LUZP2: variants seen among roughly 807,000 people sequenced by gnomAD.
The protein encoded by LUZP2 is leucine zipper protein 2.
A neutral mutation model predicts 51.6 loss-of-function variants in LUZP2; 52 were observed. The observed-to-expected ratio is 1.01, with a 90% CI of 0.81 to 1.27. The LOEUF (loss-of-function observed/expected upper bound fraction) is 1.27, where lower values mean the gene tolerates loss of function less well. Among genes scored for constraint, LUZP2 ranks in the 50% most tolerant of loss-of-function variants. The pLI is 0.00. For synonymous variants in LUZP2, 154 were observed against 137.3 expected (o/e 1.12, Z -0.85); for missense variants, 436 against 395.4 (o/e 1.10, Z -0.87).
At chr11:24,863,609 A>C (rs1158825922) in intron 5 of LUZP2, among the ~76,000 whole-genome samples, 1 of 152,190 alleles carries the variant, frequency 6.6e-6, no homozygotes, top group African/African-American at 2.4e-5. Flanking sequence ...AAGCGGTGAT[A>C]GAACAATTCT....
intron 5 of LUZP2, among the ~76,000 whole-genome samples, chr11:24,808,060 A>C (rs1849905604): frequency 6.6e-6 from 1 of 152,218 alleles, no homozygotes; most frequent in Non-Finnish European, 1.5e-5. Context: ...TCACAATGGA[A>C]ATAAAATGTA....
chr11:24,758,778 G>A (rs1226811641), intron 4 of LUZP2, among the ~76,000 whole-genome samples: 2 of 151,886 alleles, frequency 1.3e-5, no homozygotes, highest in African/African-American at 2.4e-5. Flanking sequence ...TTTCTATCAA[G>A]ATAAGAGATT....
intron 9 of LUZP2, among the ~76,000 whole-genome samples, chr11:25,013,526 T>C (rs1436601605): frequency 6.6e-6 from 1 of 152,200 alleles, no homozygotes; most frequent in Non-Finnish European, 1.5e-5. Context: ...GTTTGATCTC[T>C]TGAAATGCGT....
At chr11:24,805,700 C>T (rs1036625894) in intron 5 of LUZP2, among the ~76,000 whole-genome samples, 1 of 152,066 alleles carries the variant, frequency 6.6e-6, no homozygotes, top group African/African-American at 2.4e-5. Context: ...GGTTTTCTAG[C>T]CCATCGTTTT....
In LUZP2 at chr11:24,894,188, T is replaced by G. The variant is rs1231482159; in HGVS notation, c.397-11803T>G. On this transcript the variant is annotated intron_variant, in intron 5 of 11. Transcript: ENST00000336930. ...CTAAAGTAATTCATTTTTTTTTTTTTTTTGTGATGGAGTTTCATTCTTGTT... is the reference window on the plus strand; with the variant it reads ...CTAAAGTAATTCATTTTTTTTTTTTGTTTGTGATGGAGTTTCATTCTTGTT... Among the ~76,000 whole-genome samples, 19 of 151,780 alleles carry G rather than the reference T, an allele frequency of 1.3e-4. No homozygotes were observed. In the South Asian group the frequency reaches 3.3e-3, roughly 27 times the overall value.
intron 5 of LUZP2, among the ~76,000 whole-genome samples, chr11:24,846,346 G>T (rs1036875750): frequency 6.6e-6 from 1 of 151,320 alleles, no homozygotes; most frequent in Non-Finnish European, 1.5e-5. Context: ...AATAAAAGAA[G>T]AAAATAAGAA....
At chr11:24,517,340 G>A (rs1368831939) in intron 1 of LUZP2, among the ~76,000 whole-genome samples, 2 of 151,558 alleles carry the variant, frequency 1.3e-5, no homozygotes, top group African/African-American at 4.8e-5. Flanking sequence ...AAAAAGATTA[G>A]CTGGGCGTGG....
intron 1 of LUZP2, among the ~76,000 whole-genome samples, chr11:24,692,252 C>G (rs1339472051): frequency 6.6e-6 from 1 of 151,900 alleles, no homozygotes; most frequent in Admixed American, 6.6e-5. Flanking sequence ...ACAGGTTACC[C>G]AAATGGCCCC....
intron 5 of LUZP2, among the ~76,000 whole-genome samples, chr11:24,811,577 T>C (rs1850025106): frequency 1.3e-5 from 2 of 152,086 alleles, no homozygotes; most frequent in Admixed American, 6.6e-5. Context: ...AGAGGTTTGC[T>C]GTATAGATTA....
intron 5 of LUZP2, among the ~76,000 whole-genome samples, chr11:24,895,802 G>T (rs1022551707): frequency 1.3e-5 from 2 of 152,214 alleles, no homozygotes; most frequent in African/African-American, 2.4e-5. Context: ...GAACATGTGA[G>T]TGCATGTGTC....
chr11:24,557,411 T>G (rs1426598608), intron 1 of LUZP2, among the ~76,000 whole-genome samples: 1 of 152,184 alleles, frequency 6.6e-6, no homozygotes, highest in Non-Finnish European at 1.5e-5. Context: ...TATTGCCATA[T>G]GTACAGCAGT....
chr11:25,060,455 G>T (rs1362594579), intron 10 of LUZP2, among the ~76,000 whole-genome samples: 1 of 152,126 alleles, frequency 6.6e-6, no homozygotes, highest in Non-Finnish European at 1.5e-5. Context: ...CCATTACCTT[G>T]TGAGTTAGGA....
At chr11:24,727,887 T>G (rs1302157621) in intron 1 of LUZP2, among the ~76,000 whole-genome samples, 1 of 151,988 alleles carries the variant, frequency 6.6e-6, no homozygotes, top group Non-Finnish European at 1.5e-5. Context: ...CTATTCTAGA[T>G]GAGATGAACG....
chr11:24,575,482 T>C lies in LUZP2; in HGVS notation c.62+78177T>C, dbSNP rs189223510. ...CACTGGCTTGGTCTTGATGTATTTA[T>C]TCATGCTATCAGCATAGATTTAGAA... On this transcript the variant is annotated intron_variant, in intron 1 of 11. Coordinates refer to ENST00000336930, the MANE Select transcript of LUZP2 (RefSeq NM_001009909.4). Among the ~76,000 whole-genome samples the C allele has an allele frequency of 2.0e-5, 3 of 152,350 alleles. No individual in the cohort carries two copies. In the East Asian group the frequency reaches 5.8e-4, roughly 29 times the overall value.
At chr11:24,969,347 A>G (rs1855681000) in intron 7 of LUZP2, among the ~76,000 whole-genome samples, 1 of 152,166 alleles carries the variant, frequency 6.6e-6, no homozygotes, top group African/African-American at 2.4e-5. Context: ...ATCTAACTAG[A>G]ATTTAAGAAA....
At chr11:24,886,889 C>A (rs751535042) in intron 5 of LUZP2, among the ~76,000 whole-genome samples, 4 of 152,166 alleles carry the variant, frequency 2.6e-5, no homozygotes, top group Non-Finnish European at 5.9e-5. Context: ...GATTAGTTTT[C>A]TAACTTTGAG....
chr11:24,553,520 G>C (rs1252986147), intron 1 of LUZP2, among the ~76,000 whole-genome samples: 2 of 152,006 alleles, frequency 1.3e-5, no homozygotes, highest in Non-Finnish European at 2.9e-5. Flanking sequence ...ATCTAGAATA[G>C]AAGGGTATAT....
intron 1 of LUZP2, among the ~76,000 whole-genome samples, chr11:24,708,480 C>T (rs7938982): frequency 0.072 from 10,919 of 152,056 alleles, 1,187 homozygotes; most frequent in African/African-American, 0.23. Context: ...AATGTTGCCC[C>T]GAAAAGCAGA....
At chr11:24,529,916 T>G (rs980937378) in intron 1 of LUZP2, among the ~76,000 whole-genome samples, 9 of 150,972 alleles carry the variant, frequency 6.0e-5, no homozygotes, top group African/African-American at 2.2e-4. Context: ...TATTTTATGA[T>G]TAACAATCCC....
Sources: gnomAD v4.1 joint callset for allele counts (sites outside exome capture counted in the v4.1 genomes callset) on GRCh38, gnomAD v4.1.1 for gene constraint, MANE v1.5 for transcripts, NCBI Gene and HGNC (gene_info 2026-07-23, HGNC 2026-07-21) for gene names.